CTNNA3: variants seen among roughly 807,000 people sequenced by gnomAD.
CTNNA3 encodes the protein catenin alpha-3.
CTNNA3 carries 76 observed loss-of-function variants against 95.7 expected under a neutral mutation model. That is an observed-to-expected ratio of 0.79 (90% CI 0.66 to 0.96). The LOEUF (loss-of-function observed/expected upper bound fraction) is 0.96, where lower values mean the gene tolerates loss of function less well. Ranked by LOEUF, CTNNA3 falls within the 40% of genes least tolerant of loss-of-function variation. The probability of loss-of-function intolerance (pLI) is 0.00; values close to 1 mark genes in which losing one functional copy is unlikely to be tolerated. For synonymous variants in CTNNA3, 431 were observed against 374.4 expected (o/e 1.15, Z -1.74); for missense variants, 1,191 against 1,089.8 (o/e 1.09, Z -1.31).
chr10:67,370,874 T>TG (rs1253543525), intron 5 of CTNNA3, among the ~76,000 whole-genome samples: 8 of 150,596 alleles, frequency 5.3e-5, no homozygotes, highest in South Asian at 2.1e-4. Context: ...TTTTTGTTTT[T>TG]TTTTTTTTTT....
chr10:66,071,902 TA>T (rs1255973312), intron 14 of CTNNA3, among the ~76,000 whole-genome samples: 1 of 152,192 alleles, frequency 6.6e-6, no homozygotes, highest in Non-Finnish European at 1.5e-5. Flanking sequence ...AAAGCTGTGT[TA>T]TCCCAATTGC....
At chr10:67,373,489 C>T (rs980163323) in intron 5 of CTNNA3, among the ~76,000 whole-genome samples, 1 of 152,198 alleles carries the variant, frequency 6.6e-6, no homozygotes, top group South Asian at 2.1e-4. Flanking sequence ...TCCTTGGAGA[C>T]GTACAAAGAG....
intron 9 of CTNNA3, among the ~76,000 whole-genome samples, chr10:66,705,970 G>A (rs541962433): frequency 3.3e-5 from 5 of 152,152 alleles, no homozygotes; most frequent in Non-Finnish European, 7.4e-5. Context: ...TCACTTTATA[G>A]AAAATACATC....
chr10:67,493,602 T>C (rs114783726), intron 5 of CTNNA3, among the ~76,000 whole-genome samples: 3,979 of 151,858 alleles, frequency 0.026, 91 homozygotes, highest in African/African-American at 0.048. Flanking sequence ...GCTTAACATG[T>C]ATTTTTTAAG....
intron 12 of CTNNA3, among the ~76,000 whole-genome samples, chr10:66,362,450 C>T (rs1168383503): frequency 6.6e-6 from 1 of 151,700 alleles, no homozygotes; most frequent in Non-Finnish European, 1.5e-5. Flanking sequence ...GTGGCGCATG[C>T]CTGTAATCCC....
intron 7 of CTNNA3, among the ~76,000 whole-genome samples, chr10:66,978,053 C>T (rs61866213): frequency 0.22 from 29,672 of 134,292 alleles, 3,236 homozygotes; most frequent in African/African-American, 0.31. Flanking sequence ...TTTGCACACA[C>T]ATATATATAT....
intron 12 of CTNNA3, among the ~76,000 whole-genome samples, chr10:66,294,931 T>C (rs932447724): frequency 6.6e-6 from 1 of 151,612 alleles, no homozygotes; most frequent in Non-Finnish European, 1.5e-5. Context: ...GGTAAACATT[T>C]GCATTGGGAT....
chr10:67,763,388 T>G (rs1001786436), intron 1 of CTNNA3, among the ~76,000 whole-genome samples: 5 of 152,110 alleles, frequency 3.3e-5, no homozygotes, highest in African/African-American at 9.7e-5. Context: ...GCACCATAAT[T>G]TGGTTTCGAG....
At chr10:67,472,228 T>G (rs1909653) in intron 5 of CTNNA3, among the ~76,000 whole-genome samples, 151,668 of 152,316 alleles carry the variant, frequency 1, 75,512 homozygotes, top group East Asian at 1. Flanking sequence ...TCCTGGACTT[T>G]CACCTATATT....
chr10:67,203,772 C>A (rs945096142), intron 6 of CTNNA3, among the ~76,000 whole-genome samples: 3 of 152,184 alleles, frequency 2.0e-5, no homozygotes, highest in African/African-American at 4.8e-5. Flanking sequence ...ACAAAATATT[C>A]CTCATTAACA....
At chr10:67,682,555 T>TAA (rs1468266942) in intron 1 of CTNNA3, among the ~76,000 whole-genome samples, 172 of 152,326 alleles carry the variant, frequency 1.1e-3, no homozygotes, top group Admixed American at 8.5e-3. Flanking sequence ...ACATAAGCTC[T>TAA]TAGTATACAC....
rs192596547 is a variant in CTNNA3 at position 67,470,695 on chromosome 10, A to G, written c.579+51147T>C. Among the ~76,000 whole-genome samples, 10 of 152,110 alleles carry G rather than the reference A, an allele frequency of 6.6e-5. No individual in the cohort carries two copies. In the East Asian group the frequency reaches 1.9e-3, roughly 29 times the overall value. On this transcript the variant is annotated intron_variant, in intron 5 of 17. Transcript: ENST00000433211. ...GCAGTGAGACTATAACTATGACCCA[A>G]ATCTGTGTTACTTTAACACAGAATT...
chr10:67,622,469 A>G (rs2133414739), intron 2 of CTNNA3, among the ~76,000 whole-genome samples: 1 of 152,344 alleles, frequency 6.6e-6, no homozygotes, highest in Non-Finnish European at 1.5e-5. Flanking sequence ...GCAACATTAA[A>G]GTGAAGAAAA....
chr10:66,383,185 C>G (rs2092856412), intron 11 of CTNNA3, among the ~76,000 whole-genome samples: 1 of 152,022 alleles, frequency 6.6e-6, no homozygotes. Context: ...TGCAAGGAAG[C>G]TAAAAACCTT....
At chr10:67,237,770 G>T (rs1268662117) in intron 5 of CTNNA3, among the ~76,000 whole-genome samples, 1 of 152,126 alleles carries the variant, frequency 6.6e-6, no homozygotes, top group East Asian at 1.9e-4. Flanking sequence ...CACGTGCTCT[G>T]CTAAAGAACT....
At chr10:67,465,177 T>C (rs1847539943) in intron 5 of CTNNA3, among the ~76,000 whole-genome samples, 1 of 148,040 alleles carries the variant, frequency 6.8e-6, no homozygotes, top group Non-Finnish European at 1.5e-5. Context: ...ACTTTTGATA[T>C]CTGAAAAATG....
At chr10:66,863,519 C>T (rs11815828) in intron 7 of CTNNA3, among the ~76,000 whole-genome samples, 3 of 151,976 alleles carry the variant, frequency 2.0e-5, no homozygotes, top group Non-Finnish European at 4.4e-5. Flanking sequence ...ATTGAGCCAA[C>T]AGGATTTGCT....
At chr10:67,027,603 T>G (rs574391116) in intron 7 of CTNNA3, among the ~76,000 whole-genome samples, 3 of 151,992 alleles carry the variant, frequency 2.0e-5, no homozygotes, top group South Asian at 2.1e-4. Flanking sequence ...CCCAGCTAAC[T>G]TTTTTGTATT....
At chr10:66,840,354 TCTCTCTCTCTCTCTCTCTCACA>T (rs1424578404) in intron 7 of CTNNA3, among the ~76,000 whole-genome samples, 13 of 124,182 alleles carry the variant, frequency 1.0e-4, no homozygotes, top group African/African-American at 3.8e-4. Context: ...TCTCTCTCTC[TCTCTCTCTCTCTCTCTCTCACA>T]CACACACACA....
Sources: gnomAD v4.1 joint callset for allele counts (sites outside exome capture counted in the v4.1 genomes callset) on GRCh38, gnomAD v4.1.1 for gene constraint, MANE v1.5 for transcripts, NCBI Gene and HGNC (gene_info 2026-07-23, HGNC 2026-07-21) for gene names.